TBC1D4: variants seen among roughly 807,000 people sequenced by gnomAD.
The protein encoded by TBC1D4 is TBC1 domain family member 4.
TBC1D4 carries 121 observed loss-of-function variants against 142.5 expected under a neutral mutation model. The ratio of observed to expected loss-of-function variants is 0.85; its 90% CI spans 0.73 to 0.99. TBC1D4 has a LOEUF of 0.99. Ranked by LOEUF, TBC1D4 falls within the 50% of genes least tolerant of loss-of-function variation. TBC1D4 has a pLI of 0.00. For missense variants in TBC1D4, 1,475 were observed against 1,606.6 expected (o/e 0.92, Z 1.40); for synonymous variants, 630 against 628.2 (o/e 1.00, Z -0.04).
intron 1 of TBC1D4, among the ~76,000 whole-genome samples, chr13:75,433,639 A>G (rs1399511846): frequency 6.6e-6 from 1 of 152,172 alleles, no homozygotes; most frequent in African/African-American, 2.4e-5. Flanking sequence ...CACAATACTC[A>G]TTTTACACCA....
At chr13:75,378,412 C>T (rs1011993940) in intron 1 of TBC1D4, among the ~76,000 whole-genome samples, 2 of 151,998 alleles carry the variant, frequency 1.3e-5, no homozygotes, top group African/African-American at 4.8e-5. Flanking sequence ...GATCACTGAA[C>T]TAATTATCTA....
chr13:75,451,200 T>C (rs2138241107), intron 1 of TBC1D4, among the ~76,000 whole-genome samples: 1 of 152,280 alleles, frequency 6.6e-6, no homozygotes, highest in South Asian at 2.1e-4. Context: ...GAGACTCACT[T>C]TTCTTGTCCA....
At chr13:75,415,507 T>G (rs140703701) in intron 1 of TBC1D4, among the ~76,000 whole-genome samples, 16 of 152,374 alleles carry the variant, frequency 1.1e-4, no homozygotes, top group African/African-American at 3.8e-4. Flanking sequence ...ACACTCTACT[T>G]GGGAACACAT....
intron 1 of TBC1D4, among the ~76,000 whole-genome samples, chr13:75,474,972 C>T (rs1291392997): frequency 6.6e-6 from 1 of 152,138 alleles, no homozygotes; most frequent in African/African-American, 2.4e-5. Context: ...GTTTTCTCAT[C>T]TATAAAATGA....
At chr13:75,320,720 G>A (rs564967847) in intron 11 of TBC1D4, among the ~76,000 whole-genome samples, 168 of 151,980 alleles carry the variant, frequency 1.1e-3, no homozygotes, top group Non-Finnish European at 1.8e-3. Context: ...TCAAAATAAT[G>A]TGCTTTTAAA....
At chr13:75,404,168 A>G (rs899892171) in intron 1 of TBC1D4, among the ~76,000 whole-genome samples, 10 of 152,214 alleles carry the variant, frequency 6.6e-5, no homozygotes, top group African/African-American at 2.4e-4. Context: ...AGATTTTTTA[A>G]AAAGATGGCG....
In TBC1D4 at chr13:75,324,292, T is replaced by G. The variant is rs763684864; in HGVS notation, c.2143A>C (p.Lys715Gln). Residue 715 changes from lysine (K) to glutamine (Q), a missense_variant, in exon 11 of 21, where the codon AAA becomes CAA. Lys to Gln is a moderately conservative substitution (Grantham distance 53, BLOSUM62 1). Coordinates refer to ENST00000377636, the MANE Select transcript of TBC1D4 (RefSeq NM_014832.5). ...APSFTAPSFLKSFYQNSGRLS... is the reference protein window; with the variant it reads ...APSFTAPSFLQSFYQNSGRLS... ...CTACCTGAATTCTGGTAAAAGCTTT[T>G]CAGGAAAGAGGGGGCAGTGAAGGAA... 6.2e-7 allele frequency: 1 copy of G among 1,613,846 alleles called. No homozygotes were observed. Among genetic ancestry groups the G allele is most frequent in the East Asian group, 2.2e-5 (1 of 44,876 alleles).
rs143268388 is a variant in TBC1D4 at position 75,326,373 on chromosome 13, C to T, written c.1857G>A (p.Pro619=). 5 of 1,614,032 alleles carry T rather than the reference C, an allele frequency of 3.1e-6. No homozygotes were observed. The highest frequency in any genetic ancestry group is 1.3e-5 in the African/African-American group (1 of 75,002). ...CGGGAAACGTTTGCCAAGCTGAGGA[C>T]GGTGGGGACGCTGGCGGTGTCCCTG... ...SPPGTPPASP[P]SSAWQTFPEE... is the part of the protein sequence containing the mutation. Residue 619 remains proline (P), a synonymous_variant, in exon 10 of 21, where the codon CCG becomes CCA. Transcript: ENST00000377636.
intron 20 of TBC1D4, 112 bp from the exon 21 acceptor site, chr13:75,287,137 C>A: frequency 1.1e-6 from 1 of 906,638 alleles, no homozygotes; most frequent in South Asian, 1.5e-5. Flanking sequence ...TTATGTGAAG[C>A]AAATACTCTG....
rs1304859014 is a variant in TBC1D4, at chr13:75,312,772, G to T, written c.2349C>A (p.Pro783=). The part of the protein sequence containing the change: ...RQRIFLRVAS[P]MNKSPSAMQQ... ...GCATTGCTGAGGGAGATTTGTTCAT[G>T]GGAGAAGCAACCCTGAGGAAAATGC... Residue 783 remains proline, a synonymous_variant, in exon 13 of 21, where the codon CCC becomes CCA. Transcript: ENST00000377636. 1.2e-6 allele frequency: 2 copies of T among 1,614,184 alleles called. No individual in the cohort carries two copies. The highest frequency in any genetic ancestry group is 1.7e-6 in the Non-Finnish European group (2 of 1,180,038).
chr13:75,457,313 T>A (rs1887777555), intron 1 of TBC1D4, among the ~76,000 whole-genome samples: 1 of 152,230 alleles, frequency 6.6e-6, no homozygotes, highest in African/African-American at 2.4e-5. Context: ...TTGATACTTT[T>A]GCCCAGATCA....
chr13:75,356,114 C>T, intron 4 of TBC1D4, 33 bp downstream of exon 4: 3 of 1,527,480 alleles, frequency 2.0e-6, no homozygotes, highest in Non-Finnish European at 2.7e-6. Flanking sequence ...GATGTGTCCG[C>T]AGGAGCAGGC....
rs148506649 is a variant in TBC1D4, at chr13:75,409,994, G to C, written c.499-47387C>G. ...CCCCAGCTTTCAGATTTTTAAATTT[G>C]TTCACCAAATTTGTTTATCTTAACC... is the stretch of plus-strand genomic sequence containing the variant. On this transcript the variant is annotated intron_variant, in intron 1 of 20. Transcript: ENST00000377636. 8.2e-3 allele frequency among the ~76,000 whole-genome samples: 1,245 copies of C among 152,200 alleles called. 22 individuals are homozygous for C. The highest frequency in any genetic ancestry group is 0.025 in the African/African-American group (1,053 of 41,534).
chr13:75,302,170 C>A (rs1384244643), intron 16 of TBC1D4, 73 bp downstream of exon 16: 1 of 1,599,748 alleles, frequency 6.3e-7, no homozygotes, highest in Non-Finnish European at 8.5e-7. Context: ...CAAGAACAAA[C>A]AAAAACCAAA....
At chr13:75,287,422 T>A (rs1302961817) in intron 20 of TBC1D4, among the ~76,000 whole-genome samples, 3 of 152,136 alleles carry the variant, frequency 2.0e-5, no homozygotes, top group African/African-American at 7.2e-5. Flanking sequence ...AAACATACAC[T>A]TGGGCTTTCA....
chr13:75,300,386 C>T lies in TBC1D4; in HGVS notation c.2912-812G>A, dbSNP rs568792028. 5.1e-4 allele frequency among the ~76,000 whole-genome samples: 16 copies of T among 31,602 alleles called. No homozygotes were observed. The East Asian group carries it at 5.4e-3, about 11-fold the overall frequency. The allele number at this position is 31,602 out of a possible 152,430, so 20.7% of individuals were successfully genotyped here. ...TCAAAGCTGTCTATATTGGTATGGG[C>T]ATTTTTCTAGGGCCACAAAAATGAA... On this transcript the variant is annotated intron_variant, in intron 16 of 20. Coordinates refer to ENST00000377636, the MANE Select transcript of TBC1D4 (RefSeq NM_014832.5).
chr13:75,333,771 C>T (rs1386887309), intron 8 of TBC1D4, among the ~76,000 whole-genome samples: 1 of 152,216 alleles, frequency 6.6e-6, no homozygotes, highest in African/African-American at 2.4e-5. Context: ...TTCACAATCT[C>T]CCATTCCACT....
At chr13:75,469,592 C>T (rs1379401874) in intron 1 of TBC1D4, among the ~76,000 whole-genome samples, 1 of 152,020 alleles carries the variant, frequency 6.6e-6, no homozygotes, top group Non-Finnish European at 1.5e-5. Flanking sequence ...GAAACATAGC[C>T]AAACCCTATC....
chr13:75,438,753 T>A (rs1175540641), intron 1 of TBC1D4, among the ~76,000 whole-genome samples: 1 of 152,158 alleles, frequency 6.6e-6, no homozygotes, highest in African/African-American at 2.4e-5. Context: ...AGGCTACAAG[T>A]CTCTTAGATT....
Sources: gnomAD v4.1 joint callset for allele counts (sites outside exome capture counted in the v4.1 genomes callset) on GRCh38, gnomAD v4.1.1 for gene constraint, MANE v1.5 for transcripts, NCBI Gene and HGNC (gene_info 2026-07-23, HGNC 2026-07-21) for gene names.